OTOGL: variants seen among roughly 807,000 people sequenced by gnomAD.
The protein encoded by OTOGL is otogelin like, also known as otogelin-like protein.
In OTOGL, 285 loss-of-function variants were observed where a neutral mutation model predicts 318.5. The ratio of observed to expected loss-of-function variants is 0.89; its 90% CI spans 0.81 to 0.99. The LOEUF is 0.99. Ranked by LOEUF, OTOGL falls within the 50% of genes least tolerant of loss-of-function variation. The probability of loss-of-function intolerance (pLI) is 0.00; values close to 1 mark genes in which losing one functional copy is unlikely to be tolerated. For missense variants in OTOGL, 2,899 were observed against 2,845.6 expected, an observed-to-expected ratio of 1.02 and a Z score of -0.43; for synonymous variants, 987 against 936.5, an observed-to-expected ratio of 1.05 and a Z score of -0.99.
rs1888454202 is a variant in OTOGL, at chr12:80,336,987, A to C, written c.4843A>C (p.Asn1615His). The C allele has an allele frequency of 2.5e-6, 4 of 1,583,666 alleles. No homozygotes were observed. Among genetic ancestry groups the C allele is most frequent in the Non-Finnish European group, 3.4e-6 (4 of 1,162,478 alleles). ...VTTPIHKIIV[N>H]RLARKVEVDS... ...AACACCCATACATAAAATAATTGTC[A>C]ATCGGTTGGCAAGAAAGGTAAGAAT... Residue 1615 changes from asparagine to histidine, a missense_variant, in exon 42 of 59, where the codon AAT becomes CAT. Transcript: ENST00000547103.
At chr12:80,160,669 G>A (rs538184793) in intron 1 of OTOGL, among the ~76,000 whole-genome samples, 3 of 152,258 alleles carry the variant, frequency 2.0e-5, no homozygotes, top group South Asian at 4.1e-4. Context: ...ATGAAAAACC[G>A]TGTGGAGATT....
intron 39 of OTOGL, 29 bp downstream of exon 39, chr12:80,336,169 T>C: frequency 5.4e-6 from 1 of 184,440 alleles, no homozygotes. Flanking sequence ...AGCGGTGATC[T>C]TTTTTTTTTT....
intron 4 of OTOGL, among the ~76,000 whole-genome samples, chr12:80,214,327 T>C (rs1877516856): frequency 6.6e-6 from 1 of 152,246 alleles, no homozygotes; most frequent in African/African-American, 2.4e-5. Flanking sequence ...TGTAGGCAGC[T>C]GGAGCTCAGT....
At chr12:80,244,741 C>T (rs1298971038) in intron 11 of OTOGL, among the ~76,000 whole-genome samples, 2 of 148,334 alleles carry the variant, frequency 1.3e-5, no homozygotes, top group Non-Finnish European at 2.9e-5. Flanking sequence ...GGAATCACCA[C>T]AATGACTTCC....
In OTOGL at chr12:80,377,175, G is replaced by A. The variant is rs1164508853; in HGVS notation, c.6834G>A (p.Arg2278=). ...CQKVIIKSVI[R]KQDCMSQSPI... Reference sequence around the variant, plus strand: ...AAGTGATCATTAAATCGGTCATAAGGAAACAGGACTGTATGAGCCAAAGCC... The same window carrying A: ...AAGTGATCATTAAATCGGTCATAAGAAAACAGGACTGTATGAGCCAAAGCC... Residue 2278 remains arginine (R), a synonymous_variant, in exon 58 of 59, where the codon AGG becomes AGA. Coordinates refer to ENST00000547103, the MANE Select transcript of OTOGL (RefSeq NM_001378609.3). The A allele has an allele frequency of 2.5e-6, 4 of 1,609,140 alleles. No homozygotes were observed. In the South Asian group the frequency reaches 4.4e-5, roughly 18 times the overall value.
chr12:80,377,297 A>G lies in OTOGL; in HGVS notation c.6861+95A>G, dbSNP rs1447894505. The G allele has an allele frequency of 1.0e-5, 8 of 773,460 alleles. No individual in the cohort carries two copies. The African/African-American group carries it at 1.4e-4, about 14-fold the overall frequency. 47.9% of individuals were successfully genotyped at this position (773,460 alleles called of 1,614,324 possible). On this transcript the variant is annotated intron_variant, in intron 58 of 58. Transcript: ENST00000547103. ...GAAGTTTGTAAGCCAACAAACTGCC[A>G]ACGCTTAACAATATTTAACTGAGAT... is the stretch of plus-strand genomic sequence containing the variant.
chr12:80,225,222 C>T (rs1278648432), intron 7 of OTOGL, among the ~76,000 whole-genome samples: 1 of 152,030 alleles, frequency 6.6e-6, no homozygotes, highest in Non-Finnish European at 1.5e-5. Context: ...TCTCAGTTCT[C>T]TCATTGTCTA....
chr12:80,343,322 C>G (rs1398632465), intron 44 of OTOGL, among the ~76,000 whole-genome samples: 1 of 152,020 alleles, frequency 6.6e-6, no homozygotes, highest in Non-Finnish European at 1.5e-5. Flanking sequence ...TCCTTGGATG[C>G]CCAAGTCCCT....
intron 1 of OTOGL, among the ~76,000 whole-genome samples, chr12:80,147,904 C>T (rs1872513630): frequency 6.6e-6 from 1 of 151,996 alleles, no homozygotes; most frequent in South Asian, 2.1e-4. Flanking sequence ...TCTCCATTTG[C>T]TTGGTAGATC....
rs1887490679 is a variant in OTOGL at position 80,323,657 on chromosome 12, A to T, written c.4082-66A>T. The T allele has an allele frequency of 4.1e-6, 5 of 1,227,616 alleles. No individual in the cohort carries two copies. The Admixed American group carries it at 7.6e-5, about 19-fold the overall frequency. 76.0% of individuals were successfully genotyped at this position (1,227,616 alleles called of 1,614,324 possible). A position where few individuals can be genotyped will look rare whatever the true frequency, so the allele number is the denominator to read the frequency against. On this transcript the variant is annotated intron_variant, in intron 34 of 58. Coordinates refer to ENST00000547103, the MANE Select transcript of OTOGL (RefSeq NM_001378609.3). ...GAGCGAGACTGTCTCAAGAAAGAAA[A>T]GGGAATTGTTAGTTTTCAAGCTATG...
intron 24 of OTOGL, among the ~76,000 whole-genome samples, chr12:80,275,243 C>G (rs1357471682): frequency 6.6e-6 from 1 of 151,852 alleles, no homozygotes; most frequent in African/African-American, 2.4e-5. Flanking sequence ...GGGTAGAGGT[C>G]AAAATATCAA....
At chr12:80,131,692 T>C (rs1032323555) in intron 1 of OTOGL, 2 of 152,214 alleles carry the variant, frequency 1.3e-5, no homozygotes, top group Non-Finnish European at 2.9e-5. Flanking sequence ...TTAGCTTTAT[T>C]ATTATTATAA....
chr12:80,126,753 G>A (rs1870869328), intron 1 of OTOGL, among the ~76,000 whole-genome samples: 1 of 152,296 alleles, frequency 6.6e-6, no homozygotes, highest in Middle Eastern at 3.4e-3. Context: ...ATTTAGGATA[G>A]TTAGCTCTTC....
At chr12:80,109,543 C>T (rs973855385) in intron 1 of OTOGL, among the ~76,000 whole-genome samples, 6 of 152,106 alleles carry the variant, frequency 3.9e-5, no homozygotes, top group African/African-American at 4.8e-5. Flanking sequence ...GATATTTATA[C>T]GGGTTTGGAT....
intron 1 of OTOGL, among the ~76,000 whole-genome samples, chr12:80,105,465 T>C (rs2137070140): frequency 6.6e-6 from 1 of 152,322 alleles, no homozygotes; most frequent in Non-Finnish European, 1.5e-5. Context: ...GTAATATCAA[T>C]TTAGAAGATG....
intron 26 of OTOGL, among the ~76,000 whole-genome samples, chr12:80,283,903 A>C (rs1014355335): frequency 2.6e-5 from 4 of 152,070 alleles, no homozygotes; most frequent in African/African-American, 9.7e-5. Flanking sequence ...GTACATGTGC[A>C]GAACGTGCAG....
At chr12:80,287,560 G>A (rs1884728652) in intron 26 of OTOGL, among the ~76,000 whole-genome samples, 1 of 152,122 alleles carries the variant, frequency 6.6e-6, no homozygotes, top group East Asian at 1.9e-4. Flanking sequence ...CTAAGAACTT[G>A]CTTTATGAAT....
chr12:80,195,693 C>A (rs1356402004), intron 1 of OTOGL, among the ~76,000 whole-genome samples: 1 of 152,150 alleles, frequency 6.6e-6, no homozygotes, highest in Non-Finnish European at 1.5e-5. Flanking sequence ...CCTATCATGG[C>A]TCTTTAAGGG....
intron 1 of OTOGL, among the ~76,000 whole-genome samples, chr12:80,108,936 G>GTGTGTATA (rs1555268621): frequency 7.8e-6 from 1 of 128,228 alleles, no homozygotes; most frequent in African/African-American, 3.2e-5. Flanking sequence ...ATATGTGTGT[G>GTGTGTATA]TATATATATA....
Sources: gnomAD v4.1 joint callset for allele counts (sites outside exome capture counted in the v4.1 genomes callset) on GRCh38, gnomAD v4.1.1 for gene constraint, MANE v1.5 for transcripts, NCBI Gene and HGNC (gene_info 2026-07-23, HGNC 2026-07-21) for gene names.